Variants in CAMKMT observed in about 807,000 individuals in gnomAD.
CAMKMT encodes CaM KMT.
Under a neutral mutation model 48.0 loss-of-function variants are expected in CAMKMT, and 53 were observed. The observed-to-expected ratio is 1.10, with a 90% confidence interval of 0.89 to 1.39. The LOEUF (loss-of-function observed/expected upper bound fraction) is 1.39. CAMKMT is among the 40% of genes most tolerant of loss of function. The pLI is 0.00. For missense variants in CAMKMT, 428 were observed against 402.7 expected, an observed-to-expected ratio of 1.06 and a Z score of -0.54; for synonymous variants, 165 against 152.3, an observed-to-expected ratio of 1.08 and a Z score of -0.61.
intron 3 of CAMKMT, chr2:44,631,822 C>A: frequency 3.5e-6 from 1 of 282,180 alleles, no homozygotes; most frequent in Non-Finnish European, 6.5e-6. Context: ...TTTATTATTT[C>A]AGTTTTCTCT....
rs531023120 is a variant in CAMKMT at position 44,695,489 on chromosome 2, T to A, written c.377-8794T>A. On this transcript the variant is annotated intron_variant, in intron 3 of 10. Transcript: ENST00000378494. ...AGCTTAAAGCATTGATGCTAAAATGTACTCTGGAAGAGATAAGAATATGTC... is the reference window on the plus strand; with the variant it reads ...AGCTTAAAGCATTGATGCTAAAATGAACTCTGGAAGAGATAAGAATATGTC... Among the ~76,000 whole-genome samples the A allele has an allele frequency of 6.0e-4, 91 of 152,322 alleles. 1 individual carries two copies. The highest frequency in any genetic ancestry group is 2.2e-3 in the African/African-American group (90 of 41,584).
intron 3 of CAMKMT, among the ~76,000 whole-genome samples, chr2:44,461,614 C>T (rs1399656765): frequency 6.6e-6 from 1 of 152,176 alleles, no homozygotes; most frequent in Non-Finnish European, 1.5e-5. Context: ...CTGCACTTAG[C>T]ACTGAACCTG....
chr2:44,445,281 A>G (rs1278774944), intron 3 of CAMKMT, among the ~76,000 whole-genome samples: 1 of 152,042 alleles, frequency 6.6e-6, no homozygotes, highest in Non-Finnish European at 1.5e-5. Flanking sequence ...GGACTCAGGG[A>G]TGCAAGGATG....
At chr2:44,491,594 A>G (rs1669508946) in intron 3 of CAMKMT, among the ~76,000 whole-genome samples, 1 of 152,234 alleles carries the variant, frequency 6.6e-6, no homozygotes, top group Non-Finnish European at 1.5e-5. Context: ...TTCATAGGAT[A>G]GTTGTATAAT....
intron 2 of CAMKMT, among the ~76,000 whole-genome samples, chr2:44,384,029 T>C (rs1309358452): frequency 6.6e-6 from 1 of 152,230 alleles, no homozygotes; most frequent in African/African-American, 2.4e-5. Flanking sequence ...GTTCTACTTT[T>C]AGTTCTTTAA....
At chr2:44,747,884 G>C (rs530192321) in intron 8 of CAMKMT, among the ~76,000 whole-genome samples, 1 of 152,192 alleles carries the variant, frequency 6.6e-6, no homozygotes, top group African/African-American at 2.4e-5. Flanking sequence ...GTGTCTGTGT[G>C]TGTGTGTGTG....
At chr2:44,512,740 A>G (rs532768270) in intron 3 of CAMKMT, among the ~76,000 whole-genome samples, 3 of 152,374 alleles carry the variant, frequency 2.0e-5, no homozygotes, top group South Asian at 2.1e-4. Flanking sequence ...TGTATAGTCA[A>G]CTTACAATGG....
intron 2 of CAMKMT, among the ~76,000 whole-genome samples, chr2:44,383,485 A>G (rs1040178676): frequency 2.6e-5 from 4 of 151,722 alleles, no homozygotes; most frequent in African/African-American, 9.7e-5. Flanking sequence ...TTGTAATTTC[A>G]ATTTTCATTT....
intron 7 of CAMKMT, chr2:44,723,838 A>C (rs1250528736): frequency 6.6e-6 from 1 of 152,132 alleles, no homozygotes; most frequent in Admixed American, 6.5e-5. Context: ...ATTGAGACCT[A>C]ATTTTTCTTC....
intron 3 of CAMKMT, among the ~76,000 whole-genome samples, chr2:44,495,197 G>A (rs919324943): frequency 6.6e-6 from 1 of 152,188 alleles, no homozygotes; most frequent in Non-Finnish European, 1.5e-5. Flanking sequence ...TAGAATGGTA[G>A]TAGTGTGATC....
At chr2:44,409,252 C>T (rs1034517789) in intron 3 of CAMKMT, among the ~76,000 whole-genome samples, 5 of 150,720 alleles carry the variant, frequency 3.3e-5, no homozygotes, top group African/African-American at 1.2e-4. Flanking sequence ...GTTATGAATC[C>T]GGCATTCTTG....
chr2:44,613,766 A>T (rs1332962080), intron 3 of CAMKMT, among the ~76,000 whole-genome samples: 1 of 152,142 alleles, frequency 6.6e-6, no homozygotes, highest in Non-Finnish European at 1.5e-5. Context: ...ACATAGGGAG[A>T]TTAAGTCCAT....
intron 3 of CAMKMT, among the ~76,000 whole-genome samples, chr2:44,445,649 T>TGTTTG (rs1467039938): frequency 2.0e-4 from 1 of 4,890 alleles, no homozygotes; most frequent in African/African-American, 1.6e-3. Flanking sequence ...AGGGTAGTTT[T>TGTTTG]TTTTTTTTTT....
intron 1 of CAMKMT, among the ~76,000 whole-genome samples, chr2:44,364,255 C>T (rs929628842): frequency 6.6e-6 from 1 of 152,050 alleles, no homozygotes; most frequent in African/African-American, 2.4e-5. Flanking sequence ...ACATGAAGTC[C>T]CCACACGTTC....
At chr2:44,489,817 C>T (rs1314744272) in intron 3 of CAMKMT, among the ~76,000 whole-genome samples, 1 of 152,034 alleles carries the variant, frequency 6.6e-6, no homozygotes, top group Non-Finnish European at 1.5e-5. Context: ...TCAATGAGAA[C>T]AGTGTTTTTA....
intron 8 of CAMKMT, among the ~76,000 whole-genome samples, chr2:44,750,550 C>G (rs1028248450): frequency 6.6e-6 from 1 of 152,146 alleles, no homozygotes; most frequent in Non-Finnish European, 1.5e-5. Context: ...AAAGACACAG[C>G]CTAGAACTGA....
At chr2:44,511,930 A>G (rs1670584125) in intron 3 of CAMKMT, among the ~76,000 whole-genome samples, 1 of 152,120 alleles carries the variant, frequency 6.6e-6, no homozygotes, top group African/African-American at 2.4e-5. Flanking sequence ...ATAGTACTGT[A>G]CTTTGTGCTT....
chr2:44,716,440 T>C (rs1198253338), intron 7 of CAMKMT, among the ~76,000 whole-genome samples: 3 of 152,206 alleles, frequency 2.0e-5, no homozygotes, highest in Admixed American at 6.5e-5. Flanking sequence ...GGCTATGGAA[T>C]AGCAATAATT....
At chr2:44,582,181 A>G (rs1001288751) in intron 3 of CAMKMT, among the ~76,000 whole-genome samples, 1 of 152,214 alleles carries the variant, frequency 6.6e-6, no homozygotes, top group Admixed American at 6.5e-5. Flanking sequence ...CTGAAACTAC[A>G]TGGAAGAACA....
Sources: gnomAD v4.1 joint callset for allele counts (sites outside exome capture counted in the v4.1 genomes callset) on GRCh38, gnomAD v4.1.1 for gene constraint, MANE v1.5 for transcripts, NCBI Gene and HGNC (gene_info 2026-07-23, HGNC 2026-07-21) for gene names.